Variants in GRIA4 observed in about 807,000 individuals in gnomAD.
The protein encoded by GRIA4 is glutamate ionotropic receptor AMPA type subunit 4.
Under a neutral mutation model 104.0 loss-of-function variants are expected in GRIA4, and 34 were observed. The ratio of observed to expected loss-of-function variants is 0.33; its 90% CI spans 0.25 to 0.44. The LOEUF is 0.44. GRIA4 is among the 20% of genes least tolerant of loss of function. The pLI, the probability that GRIA4 is intolerant of heterozygous loss-of-function variation, is 1.00. For synonymous variants in GRIA4, 386 were observed against 381.9 expected (o/e 1.01, Z -0.13); for missense variants, 750 against 1,096.5 (o/e 0.68, Z 4.46).
At chr11:105,832,637 C>T (rs774257600) in intron 4 of GRIA4, among the ~76,000 whole-genome samples, 17 of 151,812 alleles carry the variant, frequency 1.1e-4, no homozygotes, top group African/African-American at 3.9e-4. Context: ...TCCACTGAGC[C>T]GCTCAACTAT....
chr11:105,949,750 G>C (rs1202546190), intron 14 of GRIA4, among the ~76,000 whole-genome samples: 3 of 152,186 alleles, frequency 2.0e-5, no homozygotes, highest in Non-Finnish European at 4.4e-5. Context: ...GGAATTCCTG[G>C]TGAATGTTCT....
intron 3 of GRIA4, among the ~76,000 whole-genome samples, chr11:105,739,254 T>C (rs1244164558): frequency 6.6e-6 from 1 of 152,192 alleles, no homozygotes; most frequent in Non-Finnish European, 1.5e-5. Context: ...ATGGCCTGAC[T>C]CCGGAAAGAA....
intron 3 of GRIA4, among the ~76,000 whole-genome samples, chr11:105,642,614 A>G (rs994396849): frequency 6.7e-6 from 1 of 150,020 alleles, no homozygotes; most frequent in Non-Finnish European, 1.5e-5. Flanking sequence ...CCAAAGTTCC[A>G]GAAAACACCA....
At chr11:105,858,020 A>C (rs1233476574) in intron 4 of GRIA4, among the ~76,000 whole-genome samples, 7 of 152,150 alleles carry the variant, frequency 4.6e-5, no homozygotes, top group Non-Finnish European at 1.5e-5. Context: ...GCAGTAGCTC[A>C]GGACTGCTTA....
At chr11:105,700,125 C>A (rs1014818449) in intron 3 of GRIA4, among the ~76,000 whole-genome samples, 1 of 152,168 alleles carries the variant, frequency 6.6e-6, no homozygotes, top group Non-Finnish European at 1.5e-5. Context: ...TGGTAATACA[C>A]GAAGAGTGCA....
At chr11:105,744,436 G>A (rs1041523916) in intron 3 of GRIA4, among the ~76,000 whole-genome samples, 14 of 152,040 alleles carry the variant, frequency 9.2e-5, no homozygotes, top group African/African-American at 2.7e-4. Context: ...TATTCATATC[G>A]AAAAATGCAT....
intron 15 of GRIA4, 135 bp from the exon 16 acceptor site, chr11:105,974,175 C>A: frequency 2.5e-6 from 2 of 814,320 alleles, no homozygotes; most frequent in Non-Finnish European, 4.0e-6. Flanking sequence ...TAGCCTACAT[C>A]AGTGACTTAT....
At chr11:105,684,386 T>G (rs1433009033) in intron 3 of GRIA4, among the ~76,000 whole-genome samples, 1 of 152,004 alleles carries the variant, frequency 6.6e-6, no homozygotes, top group East Asian at 1.9e-4. Flanking sequence ...ATGTTCTGTA[T>G]GTCAGGCATT....
At chr11:105,922,521 T>C (rs1170655795) in intron 11 of GRIA4, among the ~76,000 whole-genome samples, 1 of 152,174 alleles carries the variant, frequency 6.6e-6, no homozygotes, top group Non-Finnish European at 1.5e-5. Flanking sequence ...TTAAATTTTG[T>C]AAAGCTGGAA....
At chr11:105,744,319 C>T (rs1289203652) in intron 3 of GRIA4, among the ~76,000 whole-genome samples, 1 of 152,052 alleles carries the variant, frequency 6.6e-6, no homozygotes, top group Non-Finnish European at 1.5e-5. Context: ...GTGTTAAATC[C>T]ACCTCTTTTT....
intron 11 of GRIA4, among the ~76,000 whole-genome samples, chr11:105,919,474 G>C (rs1372980042): frequency 6.6e-6 from 1 of 152,046 alleles, no homozygotes; most frequent in Non-Finnish European, 1.5e-5. Flanking sequence ...TTTATGCAGT[G>C]CCATCATTTT....
At chr11:105,884,752 C>T (rs1307978831) in intron 5 of GRIA4, among the ~76,000 whole-genome samples, 2 of 152,134 alleles carry the variant, frequency 1.3e-5, no homozygotes, top group Admixed American at 6.6e-5. Flanking sequence ...TTTGAAAATG[C>T]GTTGTATAAG....
chr11:105,939,530 G>C (rs1160315760), intron 14 of GRIA4, among the ~76,000 whole-genome samples: 15 of 152,034 alleles, frequency 9.9e-5, no homozygotes, highest in Non-Finnish European at 1.5e-5. Flanking sequence ...GCATTCTCTG[G>C]ACCCATATTT....
chr11:105,805,868 A>T (rs1942933786), intron 4 of GRIA4, among the ~76,000 whole-genome samples: 1 of 151,888 alleles, frequency 6.6e-6, no homozygotes, highest in Non-Finnish European at 1.5e-5. Flanking sequence ...TTAGTAACCC[A>T]TAAATGTGGC....
chr11:105,892,461 C>A (rs748394527), intron 6 of GRIA4, among the ~76,000 whole-genome samples: 1 of 151,968 alleles, frequency 6.6e-6, no homozygotes, highest in East Asian at 1.9e-4. Context: ...TCTTACCTAT[C>A]CTCCACCATG....
chr11:105,829,599 C>A (rs1943899548), intron 4 of GRIA4, among the ~76,000 whole-genome samples: 2 of 151,776 alleles, frequency 1.3e-5, no homozygotes, highest in Admixed American at 6.6e-5. Flanking sequence ...GTCCTAGTGC[C>A]CGAGGGACCA....
chr11:105,727,546 T>G (rs1052328669), intron 3 of GRIA4, among the ~76,000 whole-genome samples: 2 of 151,992 alleles, frequency 1.3e-5, no homozygotes, highest in Non-Finnish European at 2.9e-5. Context: ...AGATACTCCT[T>G]GAGAAGAGCA....
chr11:105,880,543 C>T (rs1946014238), intron 5 of GRIA4, among the ~76,000 whole-genome samples: 1 of 152,026 alleles, frequency 6.6e-6, no homozygotes, highest in African/African-American at 2.4e-5. Context: ...GGGAGAGATG[C>T]ATATAAAGTG....
At chr11:105,810,918 T>A (rs59575138) in intron 4 of GRIA4, among the ~76,000 whole-genome samples, 4,706 of 152,060 alleles carry the variant, frequency 0.031, 152 homozygotes, top group African/African-American at 0.079. Flanking sequence ...GCATTTTTTT[T>A]AAAAAAAACT....
Sources: allele counts gnomAD v4.1 joint callset (sites outside exome capture counted in the v4.1 genomes callset), GRCh38; gene constraint gnomAD v4.1.1; transcripts MANE v1.5; gene names NCBI Gene and HGNC (gene_info 2026-07-23, HGNC 2026-07-21).